DLG2: variants seen among roughly 807,000 people sequenced by gnomAD.
DLG2 encodes discs large MAGUK scaffold protein 2, also known as disks large homolog 2.
DLG2 carries 45 observed loss-of-function variants against 132.5 expected under a neutral mutation model. The ratio of observed to expected loss-of-function variants is 0.34; its 90% CI spans 0.27 to 0.44. DLG2 has a LOEUF of 0.44. Among genes scored for constraint, DLG2 ranks in the 20% least tolerant of loss-of-function variants. The pLI, the probability that DLG2 is intolerant of heterozygous loss-of-function variation, is 1.00. For synonymous variants in DLG2, 424 were observed against 419.6 expected, an observed-to-expected ratio of 1.01 and a Z score of -0.13; for missense variants, 1,045 against 1,196.9, an observed-to-expected ratio of 0.87 and a Z score of 1.87.
At position 83,519,929 on chromosome 11, in the gene DLG2, C is replaced by T. The variant is rs141594910; in HGVS notation, c.2193+12779G>A. On this transcript the variant is annotated intron_variant, in intron 21 of 27. Transcript: ENST00000376104. ...TAGACTTGGGAGGTGTTCACAGAAT[C>T]CTTCTCTATGAATAAGGAGTGACCA... Among the ~76,000 whole-genome samples, 29 of 152,286 alleles carry T rather than the reference C, an allele frequency of 1.9e-4. No homozygotes were observed. The East Asian group carries it at 4.4e-3, about 23-fold the overall frequency.
intron 4 of DLG2, among the ~76,000 whole-genome samples, chr11:85,164,822 T>C (rs927549976): frequency 6.6e-6 from 1 of 152,210 alleles, no homozygotes; most frequent in South Asian, 2.1e-4. Context: ...AAACAGAACC[T>C]ATTTCTGCCT....
intron 19 of DLG2, among the ~76,000 whole-genome samples, chr11:83,546,324 A>G (rs973885767): frequency 6.6e-6 from 1 of 152,154 alleles, no homozygotes; most frequent in Admixed American, 6.6e-5. Context: ...GGCTTCCAAG[A>G]CAGAGGAGAG....
intron 6 of DLG2, among the ~76,000 whole-genome samples, chr11:84,762,896 G>T (rs192007365): frequency 2.0e-5 from 3 of 152,152 alleles, no homozygotes; most frequent in East Asian, 3.9e-4. Context: ...GAGGCAGGGT[G>T]AAATCTAACC....
chr11:84,487,902 G>A (rs2099155001), intron 7 of DLG2, among the ~76,000 whole-genome samples: 1 of 152,032 alleles, frequency 6.6e-6, no homozygotes, highest in Non-Finnish European at 1.5e-5. Context: ...AAATACGGAA[G>A]GAAAAAGCAC....
chr11:84,546,294 C>G (rs1359914474), intron 6 of DLG2, among the ~76,000 whole-genome samples: 2 of 152,132 alleles, frequency 1.3e-5, no homozygotes, highest in Non-Finnish European at 2.9e-5. Flanking sequence ...CCTGCCCTCT[C>G]TCTTCCTCCT....
At chr11:83,475,985 G>A (rs900543045) in intron 22 of DLG2, among the ~76,000 whole-genome samples, 4 of 151,952 alleles carry the variant, frequency 2.6e-5, no homozygotes, top group African/African-American at 4.8e-5. Flanking sequence ...TGTCACAGTC[G>A]CCACAAAACA....
At chr11:84,163,555 T>C (rs756565692) in intron 8 of DLG2, 44 bp from the exon 9 acceptor site, 3 of 1,503,920 alleles carry the variant, frequency 2.0e-6, no homozygotes, top group African/African-American at 1.4e-5. Flanking sequence ...TAAATACATG[T>C]TGAGGAGGAG....
At chr11:85,254,393 T>C (rs17810405) in intron 4 of DLG2, among the ~76,000 whole-genome samples, 6,499 of 152,094 alleles carry the variant, frequency 0.043, 184 homozygotes, top group East Asian at 0.094. Context: ...CCTAGAAAAA[T>C]ATTGGACAGA....
At chr11:84,912,981 T>C (rs113084910) in intron 6 of DLG2, among the ~76,000 whole-genome samples, 1 of 152,110 alleles carries the variant, frequency 6.6e-6, no homozygotes, top group African/African-American at 2.4e-5. Flanking sequence ...CCAGTCACAA[T>C]GTTTCCCGGG....
At position 84,384,692 on chromosome 11, in the gene DLG2, G is replaced by A. The variant is rs556230263; in HGVS notation, c.520-133401C>T. On this transcript the variant is annotated intron_variant, in intron 7 of 27. Transcript: ENST00000376104. ...ATATATATATTAGAAAGATAACTCC[G>A]AAATGCATTCTCACGAACCCTACAT... Among the ~76,000 whole-genome samples, 266 of 151,916 alleles carry A rather than the reference G, an allele frequency of 1.8e-3. 2 individuals carry two copies. The highest frequency in any genetic ancestry group is 6.2e-3 in the African/African-American group (258 of 41,454).
intron 7 of DLG2, among the ~76,000 whole-genome samples, chr11:84,317,826 T>C (rs1370028514): frequency 3.9e-5 from 6 of 152,182 alleles, no homozygotes; most frequent in Admixed American, 3.9e-4. Context: ...ATCATTGAGG[T>C]CACACCATTA....
At chr11:84,793,959 G>T (rs1469326995) in intron 6 of DLG2, among the ~76,000 whole-genome samples, 5 of 151,968 alleles carry the variant, frequency 3.3e-5, no homozygotes, top group African/African-American at 1.2e-4. Context: ...GGGTTGTTTT[G>T]TGTTCTTCTC....
intron 6 of DLG2, among the ~76,000 whole-genome samples, chr11:84,695,024 G>A (rs1161564585): frequency 6.6e-6 from 1 of 151,404 alleles, no homozygotes; most frequent in Non-Finnish European, 1.5e-5. Flanking sequence ...TGATGCTTAT[G>A]AATGAATTTC....
chr11:84,976,289 T>C (rs1196670175), intron 6 of DLG2, among the ~76,000 whole-genome samples: 4 of 152,162 alleles, frequency 2.6e-5, no homozygotes, highest in African/African-American at 9.7e-5. Flanking sequence ...TGCAAAGAGA[T>C]AGTAAAGTTA....
intron 15 of DLG2, among the ~76,000 whole-genome samples, chr11:83,921,375 A>G (rs1213726176): frequency 6.6e-6 from 1 of 152,136 alleles, no homozygotes; most frequent in Non-Finnish European, 1.5e-5. Context: ...ATTTCTGATG[A>G]CCTCATTTGC....
chr11:85,358,171 T>A (rs899838817), intron 3 of DLG2, among the ~76,000 whole-genome samples: 1 of 152,092 alleles, frequency 6.6e-6, no homozygotes, highest in African/African-American at 2.4e-5. Flanking sequence ...TAAACTTTTT[T>A]AAAAAAATAG....
intron 18 of DLG2, among the ~76,000 whole-genome samples, chr11:83,701,864 G>T (rs1210095899): frequency 6.6e-6 from 1 of 152,150 alleles, no homozygotes; most frequent in East Asian, 1.9e-4. Flanking sequence ...AGAGGCCTAG[G>T]GGCCACATCA....
At chr11:84,376,876 A>G (rs2098731454) in intron 7 of DLG2, among the ~76,000 whole-genome samples, 4 of 152,126 alleles carry the variant, frequency 2.6e-5, no homozygotes, top group Admixed American at 2.0e-4. Context: ...GAAAATTTTC[A>G]TCTGATAAAT....
chr11:84,782,767 A>G (rs1475966640), intron 6 of DLG2, among the ~76,000 whole-genome samples: 1 of 152,098 alleles, frequency 6.6e-6, no homozygotes, highest in Non-Finnish European at 1.5e-5. Context: ...TTCTTTGCAA[A>G]ATTTTATAAT....
Sources: gnomAD v4.1 joint callset for allele counts (sites outside exome capture counted in the v4.1 genomes callset) on GRCh38, gnomAD v4.1.1 for gene constraint, MANE v1.5 for transcripts, NCBI Gene and HGNC (gene_info 2026-07-23, HGNC 2026-07-21) for gene names.